UFSP2: variants seen among roughly 807,000 people sequenced by gnomAD.
UFSP2 encodes the protein ufm1-specific protease 2.
UFSP2 carries 43 observed loss-of-function variants against 60.2 expected under a neutral mutation model. The observed-to-expected ratio is 0.71, with a 90% CI of 0.56 to 0.92. The LOEUF (loss-of-function observed/expected upper bound fraction) is 0.92. Ranked by LOEUF, UFSP2 falls within the 40% of genes least tolerant of loss-of-function variation. The probability of loss-of-function intolerance (pLI) is 0.00; values close to 1 mark genes in which losing one functional copy is unlikely to be tolerated. For synonymous variants in UFSP2, 183 were observed against 195.1 expected (o/e 0.94, Z 0.52); for missense variants, 520 against 575.0 (o/e 0.90, Z 0.98).
At chr4:185,410,599 G>C (rs181606287) in intron 7 of UFSP2, among the ~76,000 whole-genome samples, 5 of 152,060 alleles carry the variant, frequency 3.3e-5, no homozygotes, top group South Asian at 2.1e-4. Context: ...AGTGAGCTGA[G>C]ATCATGCCAC....
At chr4:185,410,509 C>T (rs777879175) in intron 7 of UFSP2, among the ~76,000 whole-genome samples, 5 of 151,958 alleles carry the variant, frequency 3.3e-5, no homozygotes, top group South Asian at 4.2e-4. Context: ...ATTAGCCAGG[C>T]GTATGGCTAT....
intron 1 of UFSP2, among the ~76,000 whole-genome samples, chr4:185,424,085 T>A (rs2095554470): frequency 6.6e-6 from 1 of 151,688 alleles, no homozygotes; most frequent in African/African-American, 2.4e-5. Context: ...AGGATCACTT[T>A]GAGCCCAGGA....
At chr4:185,410,274 CA>C (rs2153282055) in intron 7 of UFSP2, among the ~76,000 whole-genome samples, 1 of 152,062 alleles carries the variant, frequency 6.6e-6, no homozygotes, top group African/African-American at 2.4e-5. Context: ...TAGAAGTGAA[CA>C]AAACTAAAAT....
At chr4:185,423,548 C>T (rs1455066931) in intron 1 of UFSP2, among the ~76,000 whole-genome samples, 1 of 120,152 alleles carries the variant, frequency 8.3e-6, no homozygotes, top group African/African-American at 2.6e-5. Context: ...ACCTAACTGC[C>T]AACAATAGAT....
At chr4:185,420,503 A>G (rs1163419100) in intron 2 of UFSP2, among the ~76,000 whole-genome samples, 1 of 152,118 alleles carries the variant, frequency 6.6e-6, no homozygotes, top group East Asian at 1.9e-4. Flanking sequence ...AGTATTTAAA[A>G]AATAAATAAA....
intron 7 of UFSP2, among the ~76,000 whole-genome samples, chr4:185,411,018 G>A (rs1216482722): frequency 6.8e-6 from 1 of 146,986 alleles, no homozygotes; most frequent in Non-Finnish European, 1.5e-5. Context: ...TTAGAAGAAA[G>A]ACAATAAATC....
At position 185,408,049 on chromosome 4, in the gene UFSP2, A is replaced by G. The variant is rs747123689; in HGVS notation, c.1008T>C (p.Asp336=). 1 of 1,613,882 alleles carries G rather than the reference A, an allele frequency of 6.2e-7. No homozygotes were observed. Among genetic ancestry groups the G allele is most frequent in the Admixed American group, 1.7e-5 (1 of 59,992 alleles). ...CAAATGTTGCTGGTTTGTCCCCGGCATCGACTAGAGCCTTGATGTATTTAA... is the reference window on the plus strand; with the variant it reads ...CAAATGTTGCTGGTTTGTCCCCGGCGTCGACTAGAGCCTTGATGTATTTAA... The part of the protein sequence containing the change: ...THREIQQALV[D]AGDKPATFVG... Residue 336 remains aspartate, a synonymous_variant, in exon 9 of 12, where the codon GAT becomes GAC. Transcript: ENST00000264689.
intron 2 of UFSP2, 87 bp downstream of exon 2, chr4:185,422,398 C>A: frequency 1.1e-6 from 1 of 947,908 alleles, no homozygotes; most frequent in East Asian, 2.5e-5. Flanking sequence ...TCCTATCTCT[C>A]TCTCAGTTTC....
In UFSP2 at chr4:185,403,530, A is replaced by G. The variant is rs762842465; in HGVS notation, c.1287T>C (p.Tyr429=). Residue 429 remains tyrosine (Y), a synonymous_variant, in exon 11 of 12, where the codon TAT becomes TAC. Coordinates refer to ENST00000264689, the MANE Select transcript of UFSP2 (RefSeq NM_018359.5). Reference sequence around the variant, plus strand: ...TAACTTGCAGGTCTTCAGCACCGGTATAATGTGGATCTAGAATCAGAAACT... The same window carrying G: ...TAACTTGCAGGTCTTCAGCACCGGTGTAATGTGGATCTAGAATCAGAAACT... ...QIKFLILDPH[Y]TGAEDLQVIL... is the part of the protein sequence containing the mutation. The G allele has an allele frequency of 1.9e-6, 3 of 1,614,184 alleles. No homozygotes were observed. Among genetic ancestry groups the G allele is most frequent in the East Asian group, 4.5e-5 (2 of 44,878 alleles).
At position 185,399,709 on chromosome 4, in the gene UFSP2, G is replaced by C; in HGVS notation, c.*683C>G. ...ACACCCTGACAGGAATGATTGTGTTGCCGTGCTCAGACAGAAACGGAGTCT... is the reference window on the plus strand; with the variant it reads ...ACACCCTGACAGGAATGATTGTGTTCCCGTGCTCAGACAGAAACGGAGTCT... On this transcript the variant is annotated 3_prime_UTR_variant, in exon 12 of 12. Transcript: ENST00000264689. 3 of 1,614,166 alleles carry C rather than the reference G, an allele frequency of 1.9e-6. No homozygotes were observed. The highest frequency in any genetic ancestry group is 2.5e-6 in the Non-Finnish European group (3 of 1,180,030).
rs1014355758 is a variant in UFSP2 at position 185,418,664 on chromosome 4, C to T, written c.189G>A (p.Trp63Ter). The T allele has an allele frequency of 3.1e-6, 5 of 1,613,790 alleles. No individual in the cohort carries two copies. The highest frequency in any genetic ancestry group is 4.2e-6 in the Non-Finnish European group (5 of 1,179,972). ...FRICHSSVYI[W>*]PSSDINTIPG... ...GAATGGTGTTTATGTCACTGCTAGG[C>T]CATATATACACTGAACTGTGGCAAA... The change falls in exon 3 of 12, where the codon TGG becomes TGA. Residue 63 changes from tryptophan to a stop codon, truncating the protein, a stop_gained. Coordinates refer to ENST00000264689, the MANE Select transcript of UFSP2 (RefSeq NM_018359.5). LOFTEE classifies it high-confidence loss of function.
intron 9 of UFSP2, 46 bp from the exon 10 acceptor site, chr4:185,405,902 C>CGGTCAA: frequency 1.2e-6 from 2 of 1,613,284 alleles, no homozygotes; most frequent in South Asian, 2.2e-5. Flanking sequence ...TCCAACACTA[C>CGGTCAA]GGTCAAATAA....
rs761152223 is a variant in UFSP2, at chr4:185,399,598, G to T, written c.*794C>A. On this transcript the variant is annotated 3_prime_UTR_variant, in exon 12 of 12. Coordinates refer to ENST00000264689, the MANE Select transcript of UFSP2 (RefSeq NM_018359.5). ...ATGTAATAAGAACGGGCAAACAGCT[G>T]AAGATCTCGCTTGGTCATGTGGATT... 1.2e-6 allele frequency: 2 copies of T among 1,614,208 alleles called. No homozygotes were observed. The highest frequency in any genetic ancestry group is 1.7e-6 in the Non-Finnish European group (2 of 1,180,032).
At chr4:185,413,943 A>G in intron 6 of UFSP2, 71 bp from the exon 7 acceptor site, 1 of 1,366,812 alleles carries the variant, frequency 7.3e-7, no homozygotes. Context: ...ATAAATAAAG[A>G]TGTTATTAAA....
chr4:185,425,481 T>C (rs761206298), intron 1 of UFSP2, among the ~76,000 whole-genome samples: 84 of 152,184 alleles, frequency 5.5e-4, no homozygotes, highest in Non-Finnish European at 1.0e-3. Flanking sequence ...TGCTGAGCAA[T>C]GAGACAGGAG....
chr4:185,418,801 GA>G lies in UFSP2; in HGVS notation c.83-32del, dbSNP rs757083211. Reference sequence around the variant, plus strand: ...TTAAAAGAATATAAATAGAAGTTAAGAAAAACAAATTTTTCAACATGAATGG... The same window carrying G: ...TTAAAAGAATATAAATAGAAGTTAAGAAAACAAATTTTTCAACATGAATGG... On this transcript the variant is annotated intron_variant, in intron 2 of 11. Coordinates refer to ENST00000264689, the MANE Select transcript of UFSP2 (RefSeq NM_018359.5). 3 of 1,531,948 alleles carry G rather than the reference GA, an allele frequency of 2.0e-6. No homozygotes were observed. The African/African-American group carries it at 4.2e-5, about 22-fold the overall frequency. 94.9% of individuals were successfully genotyped at this position (1,531,948 alleles called of 1,614,324 possible). A position where few individuals can be genotyped will look rare whatever the true frequency, so the allele number is the denominator to read the frequency against.
chr4:185,402,595 C>CAGGGG (rs2095514650), intron 11 of UFSP2, among the ~76,000 whole-genome samples: 1 of 152,152 alleles, frequency 6.6e-6, no homozygotes, highest in Non-Finnish European at 1.5e-5. Flanking sequence ...CCTGCCTCAG[C>CAGGGG]CTCCCAAATA....
chr4:185,406,729 C>T (rs2095520993), intron 9 of UFSP2, among the ~76,000 whole-genome samples: 1 of 152,058 alleles, frequency 6.6e-6, no homozygotes, highest in African/African-American at 2.4e-5. Flanking sequence ...ACGTGTGCCA[C>T]CATGCCCGGC....
At chr4:185,403,002 T>C (rs886874075) in intron 11 of UFSP2, among the ~76,000 whole-genome samples, 4 of 152,238 alleles carry the variant, frequency 2.6e-5, no homozygotes, top group Non-Finnish European at 4.4e-5. Flanking sequence ...TATCTGCTAT[T>C]GTAAGTAAGA....
Sources: gnomAD v4.1 joint callset for allele counts (sites outside exome capture counted in the v4.1 genomes callset) on GRCh38, gnomAD v4.1.1 for gene constraint, MANE v1.5 for transcripts, NCBI Gene and HGNC (gene_info 2026-07-23, HGNC 2026-07-21) for gene names.